Variants in STAT4 observed in about 807,000 individuals in gnomAD.
STAT4 encodes the protein signal transducer and activator of transcription 4.
In STAT4, 42 loss-of-function variants were observed where a neutral mutation model predicts 110.5. The ratio of observed to expected loss-of-function variants is 0.38; its 90% CI spans 0.30 to 0.49. The LOEUF (loss-of-function observed/expected upper bound fraction) is 0.49. Ranked by LOEUF, STAT4 falls within the 20% of genes least tolerant of loss-of-function variation. The probability of loss-of-function intolerance (pLI) is 0.95; values close to 1 mark genes in which losing one functional copy is unlikely to be tolerated. For synonymous variants in STAT4, 284 were observed against 302.2 expected (o/e 0.94, Z 0.63); for missense variants, 632 against 887.9 (o/e 0.71, Z 3.66).
Position 191,090,829 on chromosome 2 carries a change from G to A in STAT4, c.274-14504C>T, listed in dbSNP as rs1697778305. 6.6e-6 allele frequency among the ~76,000 whole-genome samples: 1 copy of A among 152,102 alleles called. No homozygotes were observed. Among genetic ancestry groups the A allele is most frequent in the South Asian group, 2.1e-4 (1 of 4,822 alleles). Reference sequence around the variant, plus strand: ...GATGGTCTCGATCCCCTGACCTCGTGATCCACCCACCTTGGCCTCCCAAAG... The same window carrying A: ...GATGGTCTCGATCCCCTGACCTCGTAATCCACCCACCTTGGCCTCCCAAAG... On this transcript the variant is annotated intron_variant, in intron 3 of 23. Coordinates refer to ENST00000392320, the MANE Select transcript of STAT4 (RefSeq NM_003151.4). This position sits in a 1 kb window ranked among gnomAD's most constrained non-coding sequence, Gnocchi z 4.2.
intron 8 of STAT4, among the ~76,000 whole-genome samples, chr2:191,064,600 G>T (rs897265402): frequency 2.0e-5 from 3 of 152,188 alleles, no homozygotes; most frequent in Non-Finnish European, 4.4e-5. Flanking sequence ...GCATTCAATG[G>T]ACGCTTTCCT....
At chr2:191,070,440 C>T (rs890958140) in intron 5 of STAT4, among the ~76,000 whole-genome samples, 1 of 152,086 alleles carries the variant, frequency 6.6e-6, no homozygotes, top group South Asian at 2.1e-4. Context: ...GCAGAGGCCA[C>T]GAGATGTGAA....
intron 14 of STAT4, 97 bp downstream of exon 14, chr2:191,054,393 G>T: frequency 2.0e-6 from 2 of 991,356 alleles, no homozygotes; most frequent in South Asian, 3.3e-5. Flanking sequence ...ACATGAATTT[G>T]ATTTTATATG....
chr2:191,066,349 A>C lies in STAT4; in HGVS notation c.630+81T>G. 8.0e-7 allele frequency: 1 copy of C among 1,246,120 alleles called. No homozygotes were observed. Among genetic ancestry groups the C allele is most frequent in the Non-Finnish European group, 1.2e-6 (1 of 865,834 alleles). 77.2% of individuals were successfully genotyped at this position (1,246,120 alleles called of 1,614,324 possible). A position where few individuals can be genotyped will look rare whatever the true frequency, so the allele number is the denominator to read the frequency against. ...GTAAATGGAACTGATAAAATCTGAC[A>C]GCTTGATTATTTTCAGTTAGTCTAA... On this transcript the variant is annotated intron_variant, in intron 7 of 23. Transcript: ENST00000392320. This position sits in a 1 kb window ranked among gnomAD's most constrained non-coding sequence, Gnocchi z 4.3.
At chr2:191,068,653 AG>A (rs1697060541) in intron 6 of STAT4, 1 of 152,138 alleles carries the variant, frequency 6.6e-6, no homozygotes, top group African/African-American at 2.4e-5. Context: ...ATAATTTTAG[AG>A]GTACAAAAAT....
At position 191,108,450 on chromosome 2, in the gene STAT4, T is replaced by G. The variant is rs144601884; in HGVS notation, c.274-32125A>C. Among the ~76,000 whole-genome samples the G allele has an allele frequency of 1.9e-3, 282 of 152,324 alleles. 7 individuals carry two copies. The East Asian group carries it at 0.04, about 22-fold the overall frequency. On this transcript the variant is annotated intron_variant, in intron 3 of 23. Coordinates refer to ENST00000392320, the MANE Select transcript of STAT4 (RefSeq NM_003151.4). ...CCTTTTGAAAACAGATTCTTTCACTTGCACATATGATGCGTTGAGAAACAG... is the reference window on the plus strand; with the variant it reads ...CCTTTTGAAAACAGATTCTTTCACTGGCACATATGATGCGTTGAGAAACAG...
At chr2:191,045,962 G>A (rs1350905199) in intron 14 of STAT4, among the ~76,000 whole-genome samples, 8 of 152,144 alleles carry the variant, frequency 5.3e-5, no homozygotes, top group East Asian at 1.9e-4. Flanking sequence ...CTTTGGTTGC[G>A]CTTGAGACGG....
Position 191,148,002 on chromosome 2 carries a change from A to T in STAT4, c.128+74T>A, listed in dbSNP as rs538022693. On this transcript the variant is annotated intron_variant, in intron 2 of 23. Transcript: ENST00000392320. ...GCATCTACTGAGTAAAAAGTGGACC[A>T]TAAAATAAATTCACATGGATAGAGC... The T allele has an allele frequency of 6.7e-5, 106 of 1,592,964 alleles. 1 individual carries two copies. Among genetic ancestry groups the T allele is most frequent in the South Asian group, 2.3e-4 (20 of 88,004 alleles).
At chr2:191,089,329 G>A (rs916217365) in intron 3 of STAT4, among the ~76,000 whole-genome samples, 3 of 152,102 alleles carry the variant, frequency 2.0e-5, no homozygotes, top group African/African-American at 7.2e-5. Context: ...ACGTGGTCAG[G>A]GAAATGCATA....
chr2:191,031,197 T>A lies in STAT4; in HGVS notation c.2112-117A>T, dbSNP rs1695883553. On this transcript the variant is annotated intron_variant, in intron 22 of 23. Transcript: ENST00000392320. The surrounding 1 kb of genome is among the most constrained non-coding windows in gnomAD (Gnocchi z 4.8). ...TTCATCTATTTGTGACATTGAGTTA[T>A]CTAATTCATCATTTCATATCAGAAC... The A allele has an allele frequency of 2.8e-6, 3 of 1,081,830 alleles. No individual in the cohort carries two copies. The Admixed American group carries it at 6.3e-5, about 23-fold the overall frequency. The allele number at this position is 1,081,830 out of a possible 1,614,324, so 67.0% of individuals were successfully genotyped here. A position where few individuals can be genotyped will look rare whatever the true frequency, so the allele number is the denominator to read the frequency against.
In STAT4 at chr2:191,060,553, G is replaced by T. The variant is rs1419825744; in HGVS notation, c.1034+1176C>A. 6.6e-6 allele frequency among the ~76,000 whole-genome samples: 1 copy of T among 152,116 alleles called. No homozygotes were observed. Among genetic ancestry groups the T allele is most frequent in the Non-Finnish European group, 1.5e-5 (1 of 68,012 alleles). On this transcript the variant is annotated intron_variant, in intron 10 of 23. Transcript: ENST00000392320. The surrounding 1 kb of genome is among the most constrained non-coding windows in gnomAD (Gnocchi z 4.5). The stretch of plus-strand genomic sequence containing the variant: ...CCTGCCTCAGCCTCTTAAGTAGCTG[G>T]GATTACAGGCATGAGCCAACATGCT...
chr2:191,103,044 C>T (rs900138222), intron 3 of STAT4, among the ~76,000 whole-genome samples: 1 of 152,186 alleles, frequency 6.6e-6, no homozygotes, highest in South Asian at 2.1e-4. Context: ...CACAACCTCT[C>T]TCTTTTCACA....
At position 191,112,264 on chromosome 2, in the gene STAT4, G is replaced by A. The variant is rs1698444888; in HGVS notation, c.273+34349C>T. 1.3e-5 allele frequency among the ~76,000 whole-genome samples: 2 copies of A among 151,996 alleles called. No individual in the cohort carries two copies. Among genetic ancestry groups the A allele is most frequent in the Admixed American group, 6.6e-5 (1 of 15,254 alleles). ...TTGGGGTGTAGACTCTGGATTCAAA[G>A]AAAACCAAATCATATCCAAATTGTC... On this transcript the variant is annotated intron_variant, in intron 3 of 23. Transcript: ENST00000392320. The surrounding 1 kb of genome is among the most constrained non-coding windows in gnomAD (Gnocchi z 4.3).
intron 3 of STAT4, among the ~76,000 whole-genome samples, chr2:191,087,694 G>A (rs1697671598): frequency 6.6e-6 from 1 of 151,624 alleles, no homozygotes. Context: ...TTTCTTAATG[G>A]CTTCTACCTA....
Position 191,150,877 on chromosome 2 carries a change from C to T in STAT4, c.-2+70G>A. 1 of 974,584 alleles carries T rather than the reference C, an allele frequency of 1.0e-6. No individual in the cohort carries two copies. The highest frequency in any genetic ancestry group is 4.7e-5 in the South Asian group (1 of 21,062). 60.4% of individuals were successfully genotyped at this position (974,584 alleles called of 1,614,324 possible). On this transcript the variant is annotated intron_variant, in intron 1 of 23. Coordinates refer to ENST00000392320, the MANE Select transcript of STAT4 (RefSeq NM_003151.4). The surrounding 1 kb of genome is among the most constrained non-coding windows in gnomAD (Gnocchi z 6.4). ...AAAACGCCAAGGGAAAGCAAAGCTTCAGAGTATCCTGCATAATAAGCATGT... is the reference window on the plus strand; with the variant it reads ...AAAACGCCAAGGGAAAGCAAAGCTTTAGAGTATCCTGCATAATAAGCATGT...
At chr2:191,070,641 A>G (rs1697118741) in intron 5 of STAT4, among the ~76,000 whole-genome samples, 1 of 152,224 alleles carries the variant, frequency 6.6e-6, no homozygotes, top group Non-Finnish European at 1.5e-5. Context: ...AGTCTTCTCT[A>G]AGGAAACATA....
At position 191,112,145 on chromosome 2, in the gene STAT4, C is replaced by A. The variant is rs1012626382; in HGVS notation, c.273+34468G>T. Among the ~76,000 whole-genome samples, 10 of 152,000 alleles carry A rather than the reference C, an allele frequency of 6.6e-5. No individual in the cohort carries two copies. The highest frequency in any genetic ancestry group is 2.2e-4 in the African/African-American group (9 of 41,370). On this transcript the variant is annotated intron_variant, in intron 3 of 23. Transcript: ENST00000392320. The surrounding 1 kb of genome is among the most constrained non-coding windows in gnomAD (Gnocchi z 4.3). ...TATATATATATTGTATGTCATTATA[C>A]CTCTGTAAGGTTGTTAGAAATTATC... is the stretch of plus-strand genomic sequence containing the variant.
Position 191,029,955 on chromosome 2 carries a change from T to A in STAT4, c.2221-89A>T. On this transcript the variant is annotated intron_variant, in intron 23 of 23. Transcript: ENST00000392320. The surrounding 1 kb of genome is among the most constrained non-coding windows in gnomAD (Gnocchi z 4.5). ...TTGGGCAAATAAACGTCCTCTTTTC[T>A]ACGAATTACTCCATAATTTTTCTAT... 2.0e-6 allele frequency: 2 copies of A among 998,356 alleles called. No homozygotes were observed. The highest frequency in any genetic ancestry group is 3.0e-6 in the Non-Finnish European group (2 of 661,554). The allele number at this position is 998,356 out of a possible 1,614,324, so 61.8% of individuals were successfully genotyped here.
chr2:191,126,022 A>G (rs1357109144), intron 3 of STAT4, among the ~76,000 whole-genome samples: 1 of 152,166 alleles, frequency 6.6e-6, no homozygotes, highest in Non-Finnish European at 1.5e-5. Flanking sequence ...CTACAAATTA[A>G]ATTTAGAGAT....
Sources: allele counts gnomAD v4.1 joint callset (sites outside exome capture counted in the v4.1 genomes callset), GRCh38; gene constraint gnomAD v4.1.1; non-coding constraint Gnocchi (gnomAD v3.1); transcripts MANE v1.5; gene names NCBI Gene and HGNC (gene_info 2026-07-23, HGNC 2026-07-21).